Variants in ARFGEF3 observed in about 807,000 individuals in gnomAD.
The protein encoded by ARFGEF3 is brefeldin A-inhibited guanine nucleotide-exchange protein 3.
Under a neutral mutation model 221.7 loss-of-function variants are expected in ARFGEF3, and 96 were observed. The observed-to-expected ratio is 0.43, with a 90% CI of 0.37 to 0.51. The LOEUF (loss-of-function observed/expected upper bound fraction) is 0.51, where lower values mean the gene tolerates loss of function less well. Ranked by LOEUF, ARFGEF3 falls within the 20% of genes least tolerant of loss-of-function variation. The pLI, the probability that ARFGEF3 is intolerant of heterozygous loss-of-function variation, is 0.00. For missense variants in ARFGEF3, 2,410 were observed against 2,789.9 expected (o/e 0.86, Z 3.07); for synonymous variants, 1,145 against 1,126.8 (o/e 1.02, Z -0.32).
chr6:138,311,844 A>G (rs1779837002), intron 25 of ARFGEF3, among the ~76,000 whole-genome samples: 1 of 152,132 alleles, frequency 6.6e-6, no homozygotes, highest in African/African-American at 2.4e-5. Context: ...AGGGCACCAA[A>G]AAGTGGAGGA....
rs973831578 is a variant in ARFGEF3, at chr6:138,342,570, T to C, written c.*6084T>C. On this transcript the variant is annotated 3_prime_UTR_variant, in exon 34 of 34. Transcript: ENST00000251691. ...TTTGTATTTAGAAACATTGATTCTA[T>C]GGATGATCATTTGTATCATGTTGAC... 3 of 152,238 alleles carry C rather than the reference T, an allele frequency of 2.0e-5. No individual in the cohort carries two copies. The highest frequency in any genetic ancestry group is 2.0e-4 in the Admixed American group (3 of 15,288). 9.4% of individuals were successfully genotyped at this position (152,238 alleles called of 1,614,324 possible).
In ARFGEF3 at chr6:138,278,521, C is replaced by T; in HGVS notation, c.2199C>T (p.Ser733=). Reference sequence around the variant, plus strand: ...TCCAGATGCTGATGAACGCAGACAGCCTCTACACAGCTGCACACTGCGCCC... The same window carrying T: ...TCCAGATGCTGATGAACGCAGACAGTCTCTACACAGCTGCACACTGCGCCC... ...LSFQMLMNAD[S]LYTAAHCALL... The change falls in exon 13 of 34, where the codon AGC becomes AGT. Residue 733 remains serine, a synonymous_variant. Coordinates refer to ENST00000251691, the MANE Select transcript of ARFGEF3 (RefSeq NM_020340.5). 6.2e-7 allele frequency: 1 copy of T among 1,613,920 alleles called. No homozygotes were observed.
chr6:138,321,914 G>A (rs1583066452), intron 29 of ARFGEF3, among the ~76,000 whole-genome samples: 1 of 152,266 alleles, frequency 6.6e-6, no homozygotes, highest in East Asian at 1.9e-4. Flanking sequence ...CACGTGGCTG[G>A]GGAGGCCTCA....
At chr6:138,286,406 T>C (rs203134) in intron 15 of ARFGEF3, among the ~76,000 whole-genome samples, 64,149 of 148,192 alleles carry the variant, frequency 0.43, 17,107 homozygotes, top group African/African-American at 0.77. Context: ...GCCGAGATTG[T>C]GCCACTGCAC....
intron 32 of ARFGEF3, among the ~76,000 whole-genome samples, chr6:138,332,421 G>A (rs912609731): frequency 2.6e-5 from 4 of 152,110 alleles, no homozygotes; most frequent in African/African-American, 9.7e-5. Flanking sequence ...ATAAGGTAGT[G>A]TCCTGTCCCT....
chr6:138,275,872 C>G (rs1363930757), intron 12 of ARFGEF3, among the ~76,000 whole-genome samples: 1 of 152,040 alleles, frequency 6.6e-6, no homozygotes, highest in Non-Finnish European at 1.5e-5. Context: ...ATTTGTATCT[C>G]TCATTTCTTT....
At chr6:138,301,046 A>G (rs938080689) in intron 22 of ARFGEF3, among the ~76,000 whole-genome samples, 5 of 152,204 alleles carry the variant, frequency 3.3e-5, no homozygotes, top group African/African-American at 1.2e-4. Flanking sequence ...CAAACAATAA[A>G]CACACACAGG....
rs935363164 is a variant in ARFGEF3, at chr6:138,162,410, C to T, written c.85+239C>T. 6.6e-6 allele frequency among the ~76,000 whole-genome samples: 1 copy of T among 152,230 alleles called. No individual in the cohort carries two copies. Among genetic ancestry groups the T allele is most frequent in the African/African-American group, 2.4e-5 (1 of 41,476 alleles). On this transcript the variant is annotated intron_variant, in intron 1 of 33. Transcript: ENST00000251691. This position sits in a 1 kb window ranked among gnomAD's most constrained non-coding sequence, Gnocchi z 4.7. ...CCTTCCTCGGGAACCGCTGTCCTCC[C>T]TGCCTGGCGGCCCCCTTCTCCTGGT...
intron 4 of ARFGEF3, among the ~76,000 whole-genome samples, chr6:138,225,653 C>T (rs75772393): frequency 6.6e-6 from 1 of 152,158 alleles, no homozygotes; most frequent in Non-Finnish European, 1.5e-5. Flanking sequence ...GGAATTGAAT[C>T]GTAGCCTAAA....
chr6:138,228,155 G>A (rs1055006101), intron 4 of ARFGEF3, among the ~76,000 whole-genome samples: 2 of 148,532 alleles, frequency 1.3e-5, no homozygotes, highest in South Asian at 2.1e-4. Flanking sequence ...TTTCTCAATC[G>A]CCATGGCACT....
chr6:138,277,827 G>A (rs1009478622), intron 12 of ARFGEF3, among the ~76,000 whole-genome samples: 8 of 152,174 alleles, frequency 5.3e-5, no homozygotes, highest in Non-Finnish European at 7.3e-5. Flanking sequence ...TTTAAAAGCC[G>A]GGTAAGCGGC....
rs2114628823 is a variant in ARFGEF3, at chr6:138,286,687, C to T, written c.2570-14C>T. 2 of 1,612,188 alleles carry T rather than the reference C, an allele frequency of 1.2e-6. No homozygotes were observed. Among genetic ancestry groups the T allele is most frequent in the South Asian group, 1.1e-5 (1 of 90,954 alleles). ...TTGTCTCTAGAAAATGACACACACC[C>T]CTCCATGTTCCAGGCGTGGCATTTG... On this transcript the variant is annotated splice_polypyrimidine_tract_variant and intron_variant, in intron 15 of 33. Transcript: ENST00000251691.
chr6:138,313,698 C>T, intron 25 of ARFGEF3, 97 bp from the exon 26 acceptor site: 1 of 966,548 alleles, frequency 1.0e-6, no homozygotes, highest in Non-Finnish European at 1.5e-6. Context: ...TTTCCCATCT[C>T]CTTTTAGTAC....
chr6:138,247,964 G>T (rs943597479), intron 8 of ARFGEF3, among the ~76,000 whole-genome samples: 1 of 152,196 alleles, frequency 6.6e-6, no homozygotes, highest in Non-Finnish European at 1.5e-5. Flanking sequence ...GTGTTAGGAA[G>T]GGTTGTTATA....
intron 4 of ARFGEF3, among the ~76,000 whole-genome samples, chr6:138,228,618 C>G (rs1305419446): frequency 1.3e-5 from 2 of 152,168 alleles, no homozygotes; most frequent in Non-Finnish European, 2.9e-5. Context: ...TTTTTTACCC[C>G]CCTTTAATTG....
Position 138,334,923 on chromosome 6 carries a change from T to C in ARFGEF3, c.6077T>C (p.Met2026Thr), listed in dbSNP as rs1404185503. The C allele has an allele frequency of 2.5e-6, 4 of 1,590,054 alleles. No individual in the cohort carries two copies. Among genetic ancestry groups the C allele is most frequent in the Non-Finnish European group, 3.4e-6 (4 of 1,168,976 alleles). The change falls in exon 33 of 34, where the codon ATG (methionine) becomes ACG (threonine). Residue 2026 changes from methionine to threonine, a missense_variant. This residue lies in a region of ARFGEF3 where 339 missense variants were observed against 334.9 expected (regional missense o/e 1.01). Transcript: ENST00000251691. The surrounding 1 kb of genome is among the most constrained non-coding windows in gnomAD (Gnocchi z 5.1). ...MAADKTISKLMTEYKKRKQQH... is the reference protein window; with the variant it reads ...MAADKTISKLTTEYKKRKQQH... Reference sequence around the variant, plus strand: ...GCCGACAAGACCATTTCAAAGTTGATGACCGAATACAAAAAGAGGAAACAG... The same window carrying C: ...GCCGACAAGACCATTTCAAAGTTGACGACCGAATACAAAAAGAGGAAACAG...
chr6:138,207,439 A>G, intron 3 of ARFGEF3, among the ~76,000 whole-genome samples: 1 of 152,206 alleles, frequency 6.6e-6, no homozygotes, highest in East Asian at 1.9e-4. Flanking sequence ...AGAGACGACA[A>G]GTTCATACCA....
Position 138,263,391 on chromosome 6 carries a change from A to G in ARFGEF3, c.1908A>G (p.Ser636=), listed in dbSNP as rs550313831. 6.2e-7 allele frequency: 1 copy of G among 1,613,910 alleles called. No individual in the cohort carries two copies. The highest frequency in any genetic ancestry group is 1.7e-5 in the Admixed American group (1 of 60,020). ...DVSDIGSDNC[S]LADEEQTPRD... ...CAGACATTGGGTCGGACAACTGTTC[A>G]CTAGCCGATGAAGAGCAGACACCCC... Residue 636 remains serine (S), a synonymous_variant, in exon 12 of 34, where the codon TCA becomes TCG. Coordinates refer to ENST00000251691, the MANE Select transcript of ARFGEF3 (RefSeq NM_020340.5).
At chr6:138,286,522 A>G (rs538131946) in intron 15 of ARFGEF3, among the ~76,000 whole-genome samples, 179 bp from the exon 16 acceptor site, 1 of 152,346 alleles carries the variant, frequency 6.6e-6, no homozygotes, top group African/African-American at 2.4e-5. Context: ...TGATAATGCA[A>G]CATTTATTAT....
Sources: gnomAD v4.1 joint callset for allele counts (sites outside exome capture counted in the v4.1 genomes callset) on GRCh38, gnomAD v4.1.1 for gene constraint, gnomAD v4.1.1 regional missense constraint, Gnocchi (gnomAD v3.1) non-coding constraint, MANE v1.5 for transcripts, NCBI Gene and HGNC (gene_info 2026-07-23, HGNC 2026-07-21) for gene names.